The following PPP6R3 variants were observed in gnomAD, a reference collection of about 807,000 sequenced individuals.
PPP6R3 encodes serine/threonine-protein phosphatase 6 regulatory subunit 3.
PPP6R3 carries 38 observed loss-of-function variants against 110.7 expected under a neutral mutation model. That is an observed-to-expected ratio of 0.34 (90% confidence interval 0.26 to 0.45). The LOEUF (loss-of-function observed/expected upper bound fraction) is 0.45, where lower values mean the gene tolerates loss of function less well. Among genes scored for constraint, PPP6R3 ranks in the 20% least tolerant of loss-of-function variants. The pLI is 1.00. For synonymous variants in PPP6R3, 369 were observed against 373.5 expected (o/e 0.99, Z 0.14); for missense variants, 870 against 1,062.4 (o/e 0.82, Z 2.52).
chr11:68,613,515 A>T lies in PPP6R3; in HGVS notation c.*398A>T. ...CAATTATTAGTGTGACCAAAGTATT[A>T]GGCGGTTTTCATACATTTTTCACCT... On this transcript the variant is annotated 3_prime_UTR_variant, in exon 24 of 24. Transcript: ENST00000393800. 1.0e-6 allele frequency: 1 copy of T among 989,020 alleles called. No homozygotes were observed. Among genetic ancestry groups the T allele is most frequent in the Non-Finnish European group, 1.2e-6 (1 of 832,098 alleles). 61.3% of individuals were successfully genotyped at this position (989,020 alleles called of 1,614,324 possible).
intron 15 of PPP6R3, among the ~76,000 whole-genome samples, chr11:68,584,562 C>T (rs1411076453): frequency 1.3e-5 from 2 of 152,176 alleles, no homozygotes; most frequent in Non-Finnish European, 2.9e-5. Context: ...CTTGGAACTT[C>T]GGCTGTCAAT....
chr11:68,501,820 G>T (rs1272582472), intron 1 of PPP6R3, among the ~76,000 whole-genome samples: 1 of 152,222 alleles, frequency 6.6e-6, no homozygotes, highest in East Asian at 1.9e-4. Flanking sequence ...TACCTTGGGT[G>T]CCTACCCGGT....
intron 22 of PPP6R3, among the ~76,000 whole-genome samples, chr11:68,608,691 C>T (rs1049514742): frequency 2.8e-4 from 43 of 152,176 alleles, no homozygotes; most frequent in Non-Finnish European, 1.6e-4. Context: ...GCCACGGGTG[C>T]TGTGCCACAG....
At chr11:68,499,250 C>T (rs78689753) in intron 1 of PPP6R3, among the ~76,000 whole-genome samples, 243 of 152,182 alleles carry the variant, frequency 1.6e-3, no homozygotes, top group Non-Finnish European at 2.9e-3. Context: ...GCATGGTTGT[C>T]TGCTTCTGGC....
At position 68,573,112 on chromosome 11, in the gene PPP6R3, TTTTATATATATA is replaced by T. The variant is rs1344798915; in HGVS notation, c.1344-995_1344-984del. Among the ~76,000 whole-genome samples the T allele has an allele frequency of 1.3e-3, 48 of 38,076 alleles. 1 individual carries two copies. Among genetic ancestry groups the T allele is most frequent in the African/African-American group, 4.6e-3 (45 of 9,758 alleles). The allele number at this position is 38,076 out of a possible 152,430, so 25.0% of individuals were successfully genotyped here. A position where few individuals can be genotyped will look rare whatever the true frequency, so the allele number is the denominator to read the frequency against. On this transcript the variant is annotated intron_variant, in intron 12 of 23. Transcript: ENST00000393800. ...AATCAGATTAATATGAGTTTACTTATTTTATATATATATATATATATATATATATATATATAT... is the reference window on the plus strand; with the variant it reads ...AATCAGATTAATATGAGTTTACTTATTATATATATATATATATATATATAT...
At chr11:68,485,544 A>G (rs992422213) in intron 1 of PPP6R3, among the ~76,000 whole-genome samples, 1 of 152,142 alleles carries the variant, frequency 6.6e-6, no homozygotes. Flanking sequence ...TATCAAGTTG[A>G]GGAAGCTTCT....
At chr11:68,479,288 G>A (rs1040114967) in intron 1 of PPP6R3, among the ~76,000 whole-genome samples, 1 of 152,118 alleles carries the variant, frequency 6.6e-6, no homozygotes, top group African/African-American at 2.4e-5. Context: ...GGGCTGGGAG[G>A]GTCTTTTTCC....
intron 19 of PPP6R3, among the ~76,000 whole-genome samples, chr11:68,599,793 C>T (rs2099625125): frequency 6.6e-6 from 1 of 152,168 alleles, no homozygotes; most frequent in Non-Finnish European, 1.5e-5. Flanking sequence ...AGCTTTGAAT[C>T]TCTGTGTAGT....
intron 1 of PPP6R3, among the ~76,000 whole-genome samples, chr11:68,499,192 G>A (rs1328351994): frequency 6.6e-6 from 1 of 151,938 alleles, no homozygotes; most frequent in African/African-American, 2.4e-5. Context: ...GATTAAAACA[G>A]CAATAAACAT....
intron 1 of PPP6R3, among the ~76,000 whole-genome samples, chr11:68,470,501 C>G (rs2098783347): frequency 6.6e-6 from 1 of 152,064 alleles, no homozygotes. Flanking sequence ...GTAGGTCACA[C>G]TGGCCATTGT....
intron 1 of PPP6R3, among the ~76,000 whole-genome samples, chr11:68,518,396 A>C (rs2099147486): frequency 6.6e-6 from 1 of 152,226 alleles, no homozygotes; most frequent in Non-Finnish European, 1.5e-5. Flanking sequence ...ATGTCAGTGA[A>C]ATGAATGGAA....
chr11:68,476,452 GGGGAGAGGGGGGA>G (rs2098833103), intron 1 of PPP6R3, among the ~76,000 whole-genome samples: 1 of 146,942 alleles, frequency 6.8e-6, no homozygotes. Context: ...GGGAGACCGT[GGGGAGAGGGGGGA>G]GGGGGAGGGG....
chr11:68,513,189 C>T (rs1398136375), intron 1 of PPP6R3, among the ~76,000 whole-genome samples: 1 of 152,070 alleles, frequency 6.6e-6, no homozygotes, highest in African/African-American at 2.4e-5. Context: ...GCTTGCCTGT[C>T]ATGGGACTTC....
chr11:68,556,701 A>G (rs1277519120), intron 7 of PPP6R3, among the ~76,000 whole-genome samples: 2 of 152,342 alleles, frequency 1.3e-5, no homozygotes, highest in Non-Finnish European at 2.9e-5. Flanking sequence ...ATTTTCTCGC[A>G]TGTAATTAAA....
chr11:68,502,890 A>G (rs2099055538), intron 1 of PPP6R3, among the ~76,000 whole-genome samples: 1 of 152,282 alleles, frequency 6.6e-6, no homozygotes, highest in East Asian at 1.9e-4. Context: ...AAATGCCATG[A>G]TGGTTGTTTT....
intron 22 of PPP6R3, among the ~76,000 whole-genome samples, chr11:68,604,105 A>T (rs1937971785): frequency 6.6e-6 from 1 of 152,228 alleles, no homozygotes; most frequent in East Asian, 1.9e-4. Flanking sequence ...TACAAGAAGG[A>T]ATGCCTCCCT....
At chr11:68,561,074 A>G (rs980403542) in intron 8 of PPP6R3, among the ~76,000 whole-genome samples, 6 of 151,122 alleles carry the variant, frequency 4.0e-5, no homozygotes, top group Non-Finnish European at 8.9e-5. Context: ...CTTTTTTTGT[A>G]TTTTTTAGTA....
intron 1 of PPP6R3, among the ~76,000 whole-genome samples, chr11:68,468,631 C>T (rs181870771): frequency 6.6e-6 from 1 of 152,304 alleles, no homozygotes; most frequent in East Asian, 1.9e-4. Context: ...GAGGTCTAAC[C>T]AGCTGCTCTG....
At chr11:68,508,071 G>A (rs564081720) in intron 1 of PPP6R3, among the ~76,000 whole-genome samples, 1 of 149,962 alleles carries the variant, frequency 6.7e-6, no homozygotes, top group African/African-American at 2.5e-5. Context: ...GAGAGGATAG[G>A]GAGCAGATTA....
Sources: allele counts gnomAD v4.1 joint callset (sites outside exome capture counted in the v4.1 genomes callset), GRCh38; gene constraint gnomAD v4.1.1; transcripts MANE v1.5; gene names NCBI Gene and HGNC (gene_info 2026-07-23, HGNC 2026-07-21).